Variants in PDE1C observed in about 807,000 individuals in gnomAD.
PDE1C encodes the protein phosphodiesterase 1C.
In PDE1C, 62 loss-of-function variants were observed where a neutral mutation model predicts 93.1. That is an observed-to-expected ratio of 0.67 (90% CI 0.54 to 0.82). PDE1C has a LOEUF of 0.82. Ranked by LOEUF, PDE1C falls within the 40% of genes least tolerant of loss-of-function variation. The pLI is 0.00. For synonymous variants in PDE1C, 325 were observed against 310.1 expected, an observed-to-expected ratio of 1.05 and a Z score of -0.50; for missense variants, 742 against 884.6, an observed-to-expected ratio of 0.84 and a Z score of 2.04.
At chr7:32,043,505 CA>C (rs1242393342) in intron 2 of PDE1C, among the ~76,000 whole-genome samples, 2 of 152,162 alleles carry the variant, frequency 1.3e-5, no homozygotes, top group Non-Finnish European at 2.9e-5. Context: ...AACTTACTCT[CA>C]AAACCATTTT....
chr7:32,307,879 GT>G (rs1358128370), intron 1 of PDE1C, among the ~76,000 whole-genome samples: 3 of 152,246 alleles, frequency 2.0e-5, no homozygotes, highest in Admixed American at 2.0e-4. Flanking sequence ...CAGATAGTGG[GT>G]GCAGGACAGT....
At chr7:32,418,937 TG>T (rs1785330886) in intron 1 of PDE1C, among the ~76,000 whole-genome samples, 1 of 152,182 alleles carries the variant, frequency 6.6e-6, no homozygotes, top group South Asian at 2.1e-4. Flanking sequence ...ATCTGTTATG[TG>T]TGTACTGATC....
chr7:31,644,184 T>C, the PDE1C span, among the ~76,000 whole-genome samples: 4 of 152,220 alleles, frequency 2.6e-5, no homozygotes, highest in East Asian at 7.7e-4. Flanking sequence ...ATTTTATCAT[T>C]AATCATCATT....
the PDE1C span, chr7:31,652,800 G>A: frequency 1.9e-6 from 3 of 1,613,332 alleles, no homozygotes; most frequent in Admixed American, 1.7e-5. Context: ...TTGTCCTGTT[G>A]GAGAAAAGGA....
intron 16 of PDE1C, among the ~76,000 whole-genome samples, chr7:31,796,309 A>G (rs1371983077): frequency 6.6e-6 from 1 of 151,520 alleles, no homozygotes; most frequent in African/African-American, 2.4e-5. Context: ...ATATATGTGT[A>G]TGTGTACATA....
chr7:31,871,086 C>T (rs1795892360), intron 6 of PDE1C, among the ~76,000 whole-genome samples: 1 of 151,722 alleles, frequency 6.6e-6, no homozygotes, highest in Admixed American at 6.6e-5. Context: ...CACGTATTTG[C>T]AGCTAACTGA....
chr7:31,746,791 G>T, downstream of PDE1C, among the ~76,000 whole-genome samples: 1 of 151,976 alleles, frequency 6.6e-6, no homozygotes. Context: ...TTCCCACATG[G>T]ACTATGCTGT....
Position 32,181,456 on chromosome 7 carries a change from A to G in PDE1C, c.137-11500T>C, listed in dbSNP as rs190526974. ...AAATTATAACAAACTCTCTCTTCAA[A>G]CCACAGTGCAATCAAACTAGAACTC... is the stretch of plus-strand genomic sequence containing the variant. On this transcript the variant is annotated intron_variant, in intron 2 of 18. Coordinates refer to the PDE1C transcript ENST00000396193. Among the ~76,000 whole-genome samples the G allele has an allele frequency of 2.0e-3, 306 of 152,362 alleles. 1 individual carries two copies. The highest frequency in any genetic ancestry group is 0.016 in the South Asian group (79 of 4,830).
chr7:32,396,529 G>A (rs939382008), intron 1 of PDE1C, among the ~76,000 whole-genome samples: 1 of 150,400 alleles, frequency 6.6e-6, no homozygotes, highest in African/African-American at 2.4e-5. Flanking sequence ...GTATGGGGGG[G>A]GGGAGTGTTG....
intron 1 of PDE1C, among the ~76,000 whole-genome samples, chr7:32,278,977 G>A (rs1249738164): frequency 6.6e-6 from 1 of 152,106 alleles, no homozygotes; most frequent in Admixed American, 6.5e-5. Context: ...TGGTGGGAGT[G>A]GCACAATTCT....
At chr7:31,946,254 ATAATG>A (rs1806590041) in intron 2 of PDE1C, among the ~76,000 whole-genome samples, 1 of 152,182 alleles carries the variant, frequency 6.6e-6, no homozygotes, top group Non-Finnish European at 1.5e-5. Context: ...CATCTCTGAC[ATAATG>A]TAAAAGAGTC....
intron 2 of PDE1C, among the ~76,000 whole-genome samples, chr7:32,027,285 T>C (rs1789565764): frequency 6.6e-6 from 1 of 151,970 alleles, no homozygotes; most frequent in Non-Finnish European, 1.5e-5. Flanking sequence ...TATGGAAAAA[T>C]ATCTGTACCT....
At chr7:31,749,420 G>T (rs1794073715), downstream of PDE1C, among the ~76,000 whole-genome samples, 1 of 152,166 alleles carries the variant, frequency 6.6e-6, no homozygotes, top group African/African-American at 2.4e-5. Context: ...TTTCAAATCT[G>T]CTATGGGTTT....
At chr7:32,238,639 A>G (rs1808315652) in intron 1 of PDE1C, among the ~76,000 whole-genome samples, 1 of 152,246 alleles carries the variant, frequency 6.6e-6, no homozygotes, top group Admixed American at 6.5e-5. Flanking sequence ...TGTTCATTCT[A>G]TCAGATATTA....
At chr7:32,362,612 C>T (rs1248977740) in intron 1 of PDE1C, among the ~76,000 whole-genome samples, 1 of 152,136 alleles carries the variant, frequency 6.6e-6, no homozygotes, top group African/African-American at 2.4e-5. Context: ...CAGGTGATTT[C>T]GTGAGCAAAA....
chr7:32,044,117 C>T (rs1584575887), intron 2 of PDE1C, among the ~76,000 whole-genome samples: 1 of 152,176 alleles, frequency 6.6e-6, no homozygotes, highest in East Asian at 1.9e-4. Context: ...GAATGACATG[C>T]ACCCCACTAA....
At chr7:32,034,953 T>G (rs1374394791) in intron 2 of PDE1C, among the ~76,000 whole-genome samples, 1 of 152,198 alleles carries the variant, frequency 6.6e-6, no homozygotes, top group Non-Finnish European at 1.5e-5. Flanking sequence ...ATGATTATCA[T>G]GCATCTTCAA....
At chr7:31,770,861 C>G (rs527697720) in intron 17 of PDE1C, among the ~76,000 whole-genome samples, 1 of 152,158 alleles carries the variant, frequency 6.6e-6, no homozygotes, top group East Asian at 1.9e-4. Flanking sequence ...CCTCTCCATG[C>G]TATATTTGGT....
chr7:32,272,454 T>C (rs1396542280), intron 1 of PDE1C, among the ~76,000 whole-genome samples: 1 of 152,230 alleles, frequency 6.6e-6, no homozygotes, highest in Non-Finnish European at 1.5e-5. Flanking sequence ...TTAAGTGAAT[T>C]CTGGAAACTC....
Sources: allele counts gnomAD v4.1 joint callset (sites outside exome capture counted in the v4.1 genomes callset), GRCh38; gene constraint gnomAD v4.1.1; transcripts MANE v1.5; gene names NCBI Gene and HGNC (gene_info 2026-07-23, HGNC 2026-07-21).